Variants in MEGF6 observed in about 807,000 individuals in gnomAD.
The protein encoded by MEGF6 is multiple EGF like domains 6.
In MEGF6, 184 loss-of-function variants were observed where a neutral mutation model predicts 207.1. The observed-to-expected ratio is 0.89, with a 90% CI of 0.79 to 1.00. The LOEUF (loss-of-function observed/expected upper bound fraction) is 1.00. Ranked by LOEUF, MEGF6 falls within the 50% of genes least tolerant of loss-of-function variation. MEGF6 has a pLI of 0.00. For synonymous variants in MEGF6, 1,038 were observed against 910.0 expected (o/e 1.14, Z -2.53); for missense variants, 2,282 against 2,202.9 (o/e 1.04, Z -0.72).
chr1:3,492,783 G>A lies in MEGF6; in HGVS notation c.4388-16C>T. Reference sequence around the variant, plus strand: ...CTTCTGCAATCTGCAAGGCGGAGGGGGCGGGAGACAAACCTGAGCATCATC... The same window carrying A: ...CTTCTGCAATCTGCAAGGCGGAGGGAGCGGGAGACAAACCTGAGCATCATC... On this transcript the variant is annotated splice_polypyrimidine_tract_variant and intron_variant, in intron 34 of 36. Transcript: ENST00000356575. 5.0e-6 allele frequency: 8 copies of A among 1,603,064 alleles called. No individual in the cohort carries two copies. Among genetic ancestry groups the A allele is most frequent in the Non-Finnish European group, 6.8e-6 (8 of 1,172,694 alleles).
Position 3,501,782 on chromosome 1 carries a change from C to T in MEGF6, c.2314+14G>A, listed in dbSNP as rs368784276. The T allele has an allele frequency of 3.8e-4, 611 of 1,608,986 alleles. 5 individuals are homozygous for T. In the East Asian group the frequency reaches 0.013, roughly 33 times the overall value. On this transcript the variant is annotated intron_variant, in intron 18 of 36. Transcript: ENST00000356575. ...GCCTGGGGAGGCGGAACTGGGGCTGCGGCTGACACTCACCTGCCTCACAGT... is the reference window on the plus strand; with the variant it reads ...GCCTGGGGAGGCGGAACTGGGGCTGTGGCTGACACTCACCTGCCTCACAGT...
rs41306996 is a variant in MEGF6 at position 3,524,200 on chromosome 1, G to C, written c.528C>G (p.Cys176Trp). 1.2e-6 allele frequency: 2 copies of C among 1,612,882 alleles called. No homozygotes were observed. The highest frequency in any genetic ancestry group is 2.2e-5 in the South Asian group (2 of 91,082). Residue 176 changes from cysteine (C) to tryptophan (W), a missense_variant, in exon 5 of 37, where the codon TGC becomes TGG. Coordinates refer to ENST00000356575, the MANE Select transcript of MEGF6 (RefSeq NM_001409.4). ...RTHNGGCQHR[C>W]VNTPGSYLCE... ...AGAGGTAGGAGCCTGGGGTGTTCACGCACCGGTGCTGGCAGCCACCGTTGT... is the reference window on the plus strand; with the variant it reads ...AGAGGTAGGAGCCTGGGGTGTTCACCCACCGGTGCTGGCAGCCACCGTTGT...
intron 3 of MEGF6, among the ~76,000 whole-genome samples, chr1:3,584,095 G>A (rs1342925208): frequency 2.0e-5 from 3 of 152,258 alleles, no homozygotes. Flanking sequence ...CTAGACCTAA[G>A]GCTGGGAGGG....
At chr1:3,508,449 C>T (rs1179140731) in intron 13 of MEGF6, 109 bp downstream of exon 13, 6 of 1,343,112 alleles carry the variant, frequency 4.5e-6, no homozygotes, top group Non-Finnish European at 6.1e-6. Flanking sequence ...GAGCCCCCTG[C>T]CCAGGGCCAG....
intron 3 of MEGF6, among the ~76,000 whole-genome samples, chr1:3,590,431 T>C (rs1643957963): frequency 6.6e-6 from 1 of 152,204 alleles, no homozygotes; most frequent in African/African-American, 2.4e-5. Context: ...CGAACCCCAC[T>C]GCACCCGGGC....
At chr1:3,505,382 C>G (rs1641068637) in intron 16 of MEGF6, 40 bp from the exon 17 acceptor site, 1 of 1,603,324 alleles carries the variant, frequency 6.2e-7, no homozygotes, top group Non-Finnish European at 8.5e-7. Flanking sequence ...GTTAACCGAC[C>G]CTGGCGCCCC....
intron 3 of MEGF6, among the ~76,000 whole-genome samples, chr1:3,592,875 C>T (rs919366147): frequency 3.3e-5 from 5 of 152,232 alleles, no homozygotes; most frequent in Non-Finnish European, 7.3e-5. Context: ...AAAGCCAAAG[C>T]TCAAGTCCAG....
rs570170179 is a variant in MEGF6 at position 3,508,025 on chromosome 1, G to A, written c.1661-102C>T. On this transcript the variant is annotated intron_variant, in intron 13 of 36. Coordinates refer to ENST00000356575, the MANE Select transcript of MEGF6 (RefSeq NM_001409.4). ...TTGGGTTTAGAAGCAGTTGCCTAGA[G>A]ATAAAATGATGGCACTTGTACCACA... 28 of 1,346,560 alleles carry A rather than the reference G, an allele frequency of 2.1e-5. No individual in the cohort carries two copies. The South Asian group carries it at 3.3e-4, about 16-fold the overall frequency. 83.4% of individuals were successfully genotyped at this position (1,346,560 alleles called of 1,614,324 possible). A position where few individuals can be genotyped will look rare whatever the true frequency, so the allele number is the denominator to read the frequency against.
intron 4 of MEGF6, among the ~76,000 whole-genome samples, chr1:3,568,039 G>A (rs72853588): frequency 0.019 from 2,825 of 152,298 alleles, 93 homozygotes; most frequent in African/African-American, 0.064. Flanking sequence ...GGCAGAACCC[G>A]TCCCATAAAC....
chr1:3,587,402 G>A (rs967830098), intron 3 of MEGF6, among the ~76,000 whole-genome samples: 7 of 152,246 alleles, frequency 4.6e-5, no homozygotes, highest in African/African-American at 7.2e-5. Context: ...CTTTCCTCCC[G>A]TTGACCCTTT....
chr1:3,518,173 T>C (rs907894765), intron 5 of MEGF6, among the ~76,000 whole-genome samples: 1 of 152,172 alleles, frequency 6.6e-6, no homozygotes, highest in Non-Finnish European at 1.5e-5. Flanking sequence ...TATTTGGAGA[T>C]AGGGTCTCTG....
intron 1 of MEGF6, 128 bp from the exon 2 acceptor site, chr1:3,602,728 C>T (rs367952628): frequency 3.7e-5 from 49 of 1,337,858 alleles, no homozygotes; most frequent in Non-Finnish European, 4.4e-5. Flanking sequence ...CAGGCCTCCA[C>T]GGCACAGTGC....
intron 4 of MEGF6, among the ~76,000 whole-genome samples, chr1:3,538,268 G>A (rs142095324): frequency 3.3e-5 from 5 of 152,266 alleles, no homozygotes; most frequent in Admixed American, 6.5e-5. Flanking sequence ...CCTCCCCAGC[G>A]TTCCTCGCAC....
In MEGF6 at chr1:3,497,349, C is replaced by A; in HGVS notation, c.3365G>T (p.Gly1122Val). Reference protein sequence around the residue: ...GDKCQSPCLRGWFGEACAQRC... With the variant: ...GDKCQSPCLRVWFGEACAQRC... ...CTGGGCACAGGCCTCTCCAAACCAGCCCCGCAGGCAGGCTGCAGAAAGATG... is the reference window on the plus strand; with the variant it reads ...CTGGGCACAGGCCTCTCCAAACCAGACCCGCAGGCAGGCTGCAGAAAGATG... The change falls in exon 27 of 37, where the codon GGC becomes GTC. Residue 1122 changes from glycine to valine, a missense_variant. Physicochemically the swap from Gly to Val is moderately radical, Grantham distance 109. Coordinates refer to ENST00000356575, the MANE Select transcript of MEGF6 (RefSeq NM_001409.4). The A allele has an allele frequency of 6.5e-7, 1 of 1,546,168 alleles. No homozygotes were observed. The highest frequency in any genetic ancestry group is 8.7e-7 in the Non-Finnish European group (1 of 1,151,636).
chr1:3,561,435 G>A (rs1391471243), intron 4 of MEGF6, among the ~76,000 whole-genome samples: 1 of 152,174 alleles, frequency 6.6e-6, no homozygotes, highest in Non-Finnish European at 1.5e-5. Flanking sequence ...CACCCCGCTG[G>A]ACCAGAAGGG....
intron 4 of MEGF6, among the ~76,000 whole-genome samples, chr1:3,538,696 CTG>C (rs57325073): frequency 0.23 from 30,550 of 131,532 alleles, 3,433 homozygotes; most frequent in East Asian, 0.29. Context: ...GAGCATGTGC[CTG>C]TGTGTGTGTG....
At position 3,495,897 on chromosome 1, in the gene MEGF6, A is replaced by C. The variant is rs774696901; in HGVS notation, c.3864T>G (p.Cys1288Trp). The change falls in exon 30 of 37, where the codon TGT (cysteine) becomes TGG (tryptophan). Residue 1288 changes from cysteine to tryptophan, a missense_variant. Cys to Trp is a radical substitution (Grantham distance 215). Coordinates refer to ENST00000356575, the MANE Select transcript of MEGF6 (RefSeq NM_001409.4). ...LCPPGRAGVR[C>W]ERGCPQNRFG... ...TCTGGAGTGAACACTCACCTCGCTCACAGCGGACGCCGGCTCTCCCCGGGG... is the reference window on the plus strand; with the variant it reads ...TCTGGAGTGAACACTCACCTCGCTCCCAGCGGACGCCGGCTCTCCCCGGGG... 6.3e-7 allele frequency: 1 copy of C among 1,598,328 alleles called. No homozygotes were observed. The highest frequency in any genetic ancestry group is 1.1e-5 in the South Asian group (1 of 90,770).
At chr1:3,616,890 C>T in the MEGF6 span, among the ~76,000 whole-genome samples, 1 of 152,238 alleles carries the variant, frequency 6.6e-6, no homozygotes, top group African/African-American at 2.4e-5. Context: ...GGTTCTGTGC[C>T]TGTGTCCTCC....
intron 4 of MEGF6, among the ~76,000 whole-genome samples, chr1:3,544,539 T>C (rs1642641862): frequency 6.6e-6 from 1 of 152,100 alleles, no homozygotes. Context: ...CCTGCCCTCA[T>C]GCAGGGGCTG....
Sources: gnomAD v4.1 joint callset for allele counts (sites outside exome capture counted in the v4.1 genomes callset) on GRCh38, gnomAD v4.1.1 for gene constraint, MANE v1.5 for transcripts, NCBI Gene and HGNC (gene_info 2026-07-23, HGNC 2026-07-21) for gene names.